PRKN: variants seen among roughly 807,000 people sequenced by gnomAD.
The protein encoded by PRKN is parkin RBR E3 ubiquitin protein ligase.
In PRKN, 56 loss-of-function variants were observed where a neutral mutation model predicts 59.5. The observed-to-expected ratio is 0.94, with a 90% CI of 0.76 to 1.18. PRKN has a LOEUF of 1.18. PRKN is among the 50% of genes most tolerant of loss of function. The pLI is 0.00. For missense variants in PRKN, 657 were observed against 596.4 expected (o/e 1.10, Z -1.06); for synonymous variants, 250 against 222.1 (o/e 1.13, Z -1.12).
rs1015059408 is a variant in PRKN, at chr6:161,530,472, T to C, written c.1083+18382A>G. On this transcript the variant is annotated intron_variant, in intron 9 of 11. Transcript: ENST00000366898. The surrounding 1 kb of genome is among the most constrained non-coding windows in gnomAD (Gnocchi z 5.0). Reference sequence around the variant, plus strand: ...ACCAGCAGGAATTGGAGCAGCCTCATTCCGTGTCGAAGAAGACCTATACGG... The same window carrying C: ...ACCAGCAGGAATTGGAGCAGCCTCACTCCGTGTCGAAGAAGACCTATACGG... Among the ~76,000 whole-genome samples, 9 of 152,254 alleles carry C rather than the reference T, an allele frequency of 5.9e-5. No individual in the cohort carries two copies. The East Asian group carries it at 1.4e-3, about 23-fold the overall frequency.
chr6:162,653,348 G>GTGTGTGTGTCTC (rs1778519439), intron 1 of PRKN, among the ~76,000 whole-genome samples: 1 of 151,954 alleles, frequency 6.6e-6, no homozygotes, highest in Non-Finnish European at 1.5e-5. Flanking sequence ...GTGCGTGTCT[G>GTGTGTGTGTCTC]TGTGTGTGTC....
At chr6:161,770,794 A>G (rs759296595) in intron 7 of PRKN, among the ~76,000 whole-genome samples, 55 of 151,978 alleles carry the variant, frequency 3.6e-4, no homozygotes, top group Non-Finnish European at 6.6e-4. Context: ...AAGAGGTAAC[A>G]TGAGGCTATT....
At chr6:161,728,220 T>C (rs1787527861) in intron 7 of PRKN, among the ~76,000 whole-genome samples, 1 of 150,354 alleles carries the variant, frequency 6.7e-6, no homozygotes, top group Non-Finnish European at 1.5e-5. Flanking sequence ...GGAGAATGAT[T>C]GTTTTTCTCC....
At chr6:161,828,337 A>C (rs1792331936) in intron 6 of PRKN, among the ~76,000 whole-genome samples, 1 of 152,192 alleles carries the variant, frequency 6.6e-6, no homozygotes, top group African/African-American at 2.4e-5. Flanking sequence ...AAATATTTTT[A>C]ATCTTATTTG....
rs143610229 is a variant in PRKN, at chr6:162,153,446, G to T, written c.534+47685C>A. Reference sequence around the variant, plus strand: ...CATGTTACAATGCTCTCTTAGGTCTGCTGTCAGCAGACAACAGTGTGTTAT... The same window carrying T: ...CATGTTACAATGCTCTCTTAGGTCTTCTGTCAGCAGACAACAGTGTGTTAT... On this transcript the variant is annotated intron_variant, in intron 4 of 11. Coordinates refer to ENST00000366898, the MANE Select transcript of PRKN (RefSeq NM_004562.3). Among the ~76,000 whole-genome samples, 104 of 152,310 alleles carry T rather than the reference G, an allele frequency of 6.8e-4. 1 individual carries two copies. The highest frequency in any genetic ancestry group is 2.3e-3 in the African/African-American group (97 of 41,574).
At chr6:162,329,490 C>T (rs1447558742) in intron 2 of PRKN, among the ~76,000 whole-genome samples, 1 of 152,128 alleles carries the variant, frequency 6.6e-6, no homozygotes, top group Non-Finnish European at 1.5e-5. Context: ...TAAGCAAGTT[C>T]CTACCTCCTG....
intron 1 of PRKN, among the ~76,000 whole-genome samples, chr6:162,473,237 G>A (rs1791845980): frequency 6.6e-6 from 1 of 152,156 alleles, no homozygotes; most frequent in Non-Finnish European, 1.5e-5. Context: ...GAAGCACCAT[G>A]ATGTGAAGCA....
chr6:162,554,870 T>C (rs983148468), intron 1 of PRKN, among the ~76,000 whole-genome samples: 1 of 152,100 alleles, frequency 6.6e-6, no homozygotes, highest in African/African-American at 2.4e-5. Context: ...GTGGGAAAAA[T>C]TCCAAAAGCA....
At chr6:162,499,023 T>A (rs1046988060) in intron 1 of PRKN, among the ~76,000 whole-genome samples, 3 of 152,138 alleles carry the variant, frequency 2.0e-5, no homozygotes, top group Non-Finnish European at 2.9e-5. Flanking sequence ...AGAAATTAGA[T>A]TCTAACATGT....
At chr6:161,524,135 G>A (rs1412312628) in intron 9 of PRKN, among the ~76,000 whole-genome samples, 1 of 151,934 alleles carries the variant, frequency 6.6e-6, no homozygotes, top group African/African-American at 2.4e-5. Context: ...AGCTTTCTGT[G>A]CATAGATCTA....
At chr6:161,532,912 C>A (rs1199375160) in intron 9 of PRKN, among the ~76,000 whole-genome samples, 1 of 152,010 alleles carries the variant, frequency 6.6e-6, no homozygotes, top group African/African-American at 2.4e-5. Context: ...AATATGAAAC[C>A]CTCTTATACA....
rs572997804 is a variant in PRKN at position 162,449,572 on chromosome 6, ATATTT to A, written c.8-6104_8-6100del. 3.1e-3 allele frequency among the ~76,000 whole-genome samples: 467 copies of A among 151,954 alleles called. 2 individuals carry two copies. The highest frequency in any genetic ancestry group is 0.011 in the African/African-American group (440 of 41,524). On this transcript the variant is annotated intron_variant, in intron 1 of 11. Transcript: ENST00000366898. Reference sequence around the variant, plus strand: ...TTTTTAATTGCTATTTTTATGTTTTATATTTTATTATTTATTTTTATTTTTATAAC... The same window carrying A: ...TTTTTAATTGCTATTTTTATGTTTTATATTATTTATTTTTATTTTTATAAC...
At chr6:162,456,470 C>T (rs1033500789) in intron 1 of PRKN, among the ~76,000 whole-genome samples, 3 of 152,024 alleles carry the variant, frequency 2.0e-5, no homozygotes, top group Admixed American at 6.6e-5. Flanking sequence ...GCTTATGGTA[C>T]AAGAGAATTT....
chr6:162,255,649 G>C (rs1051798640), intron 3 of PRKN, among the ~76,000 whole-genome samples: 2 of 152,202 alleles, frequency 1.3e-5, no homozygotes, highest in African/African-American at 4.8e-5. Flanking sequence ...GCAAGAAGTA[G>C]AGCCAAGACG....
intron 6 of PRKN, among the ~76,000 whole-genome samples, chr6:161,926,174 G>A (rs971483195): frequency 1.3e-5 from 2 of 152,188 alleles, no homozygotes; most frequent in Non-Finnish European, 2.9e-5. Flanking sequence ...ACAAGGAACT[G>A]CCACTTCGTT....
At chr6:161,813,518 A>T (rs1189807328) in intron 6 of PRKN, among the ~76,000 whole-genome samples, 1 of 152,118 alleles carries the variant, frequency 6.6e-6, no homozygotes, top group Non-Finnish European at 1.5e-5. Flanking sequence ...AGGTAAATTC[A>T]TCCATCCACA....
intron 7 of PRKN, among the ~76,000 whole-genome samples, chr6:161,589,539 G>C (rs73595304): frequency 0.023 from 3,510 of 151,226 alleles, 142 homozygotes; most frequent in African/African-American, 0.081. Flanking sequence ...TAGATAACTC[G>C]TGGTCAAAGT....
intron 8 of PRKN, among the ~76,000 whole-genome samples, chr6:161,565,896 T>C (rs1188213367): frequency 6.6e-6 from 1 of 152,262 alleles, no homozygotes; most frequent in East Asian, 1.9e-4. Context: ...TGTGCCTGCA[T>C]ATTCTGTCTC....
intron 4 of PRKN, among the ~76,000 whole-genome samples, chr6:162,128,531 C>T (rs761610646): frequency 3.3e-5 from 5 of 152,162 alleles, no homozygotes; most frequent in Non-Finnish European, 5.9e-5. Context: ...ACTGTACAAT[C>T]TCACACCTTA....
Sources: gnomAD v4.1 joint callset for allele counts (sites outside exome capture counted in the v4.1 genomes callset) on GRCh38, gnomAD v4.1.1 for gene constraint, Gnocchi (gnomAD v3.1) non-coding constraint, MANE v1.5 for transcripts, NCBI Gene and HGNC (gene_info 2026-07-23, HGNC 2026-07-21) for gene names.